CHD1: variants seen among roughly 807,000 people sequenced by gnomAD.
CHD1 encodes the protein ATP-dependent chromatin remodeler CHD1.
CHD1 carries 36 observed loss-of-function variants against 224.2 expected under a neutral mutation model. That is an observed-to-expected ratio of 0.16 (90% CI 0.12 to 0.21). The LOEUF (loss-of-function observed/expected upper bound fraction) is 0.21. Ranked by LOEUF, CHD1 falls within the 10% of genes least tolerant of loss-of-function variation. The pLI is 1.00. For missense variants in CHD1, 1,378 were observed against 1,994.8 expected (o/e 0.69, Z 5.89); for synonymous variants, 668 against 658.3 (o/e 1.01, Z -0.23).
At chr5:98,864,174 G>T (rs1011134612) in intron 31 of CHD1, among the ~76,000 whole-genome samples, 1 of 152,002 alleles carries the variant, frequency 6.6e-6, no homozygotes, top group Non-Finnish European at 1.5e-5. Flanking sequence ...ATTAAGAATT[G>T]CATGTTTTAT....
At chr5:98,864,997 A>T (rs1259283398) in intron 31 of CHD1, among the ~76,000 whole-genome samples, 1 of 152,196 alleles carries the variant, frequency 6.6e-6, no homozygotes, top group East Asian at 1.9e-4. Context: ...CCTGGACTCT[A>T]GTATAAGAGA....
At chr5:98,922,036 C>T (rs1753130250) in intron 2 of CHD1, among the ~76,000 whole-genome samples, 1 of 151,986 alleles carries the variant, frequency 6.6e-6, no homozygotes, top group African/African-American at 2.4e-5. Flanking sequence ...ACCTATAATC[C>T]CAGCTACTCA....
chr5:98,918,901 T>G (rs1183650011), intron 2 of CHD1, among the ~76,000 whole-genome samples: 6 of 152,194 alleles, frequency 3.9e-5, no homozygotes, highest in Non-Finnish European at 8.8e-5. Flanking sequence ...AAATAGCTCA[T>G]TAAATGACTC....
intron 30 of CHD1, 47 bp downstream of exon 30, chr5:98,869,707 T>C: frequency 6.3e-7 from 1 of 1,591,576 alleles, no homozygotes; most frequent in Non-Finnish European, 8.6e-7. Flanking sequence ...AAACATGCCA[T>C]ATTCCCTTTC....
intron 31 of CHD1, among the ~76,000 whole-genome samples, chr5:98,867,662 A>T (rs1369441598): frequency 1.3e-5 from 2 of 152,024 alleles, no homozygotes; most frequent in East Asian, 3.9e-4. Flanking sequence ...TACTTGTTAA[A>T]CCCCTCTTCT....
chr5:98,927,998 G>C (rs1753593395), intron 1 of CHD1, among the ~76,000 whole-genome samples: 1 of 152,062 alleles, frequency 6.6e-6, no homozygotes. Context: ...TTTTTAAAGC[G>C]GCACTCGAAA....
At chr5:98,867,300 A>T (rs1385490177) in intron 31 of CHD1, among the ~76,000 whole-genome samples, 2 of 152,222 alleles carry the variant, frequency 1.3e-5, no homozygotes, top group Non-Finnish European at 2.9e-5. Flanking sequence ...AGTATATTTG[A>T]CAAGAGATAT....
At chr5:98,887,120 T>C (rs1193764300) in intron 17 of CHD1, among the ~76,000 whole-genome samples, 1 of 152,172 alleles carries the variant, frequency 6.6e-6, no homozygotes, top group Non-Finnish European at 1.5e-5. Context: ...CTGAATTGTA[T>C]ACTTTAAATG....
At chr5:98,881,825 T>G in intron 20 of CHD1, 150 bp downstream of exon 20, 1 of 605,506 alleles carries the variant, frequency 1.7e-6, no homozygotes, top group Non-Finnish European at 2.7e-6. Flanking sequence ...TTGAAGTATG[T>G]CTTCTAACTA....
At chr5:98,856,935 C>A (rs1748079596) in intron 35 of CHD1, among the ~76,000 whole-genome samples, 1 of 152,048 alleles carries the variant, frequency 6.6e-6, no homozygotes, top group Admixed American at 6.6e-5. Context: ...CTAAAGCGAA[C>A]CATACAAAAC....
At chr5:98,869,548 A>C in intron 30 of CHD1, 2 of 556,642 alleles carry the variant, frequency 3.6e-6, no homozygotes, top group Non-Finnish European at 6.1e-6. Context: ...GCTATATAAT[A>C]TCTACTGGAC....
intron 2 of CHD1, among the ~76,000 whole-genome samples, chr5:98,911,035 CT>C (rs1752355149): frequency 6.7e-6 from 1 of 149,518 alleles, no homozygotes; most frequent in Non-Finnish European, 1.5e-5. Context: ...CTACTGCACA[CT>C]TAAATAAACT....
intron 2 of CHD1, among the ~76,000 whole-genome samples, chr5:98,919,529 G>A (rs1752955854): frequency 6.6e-6 from 1 of 152,116 alleles, no homozygotes; most frequent in Non-Finnish European, 1.5e-5. Context: ...AGTTTCTCTT[G>A]ATAAAGTATA....
At chr5:98,908,405 C>T (rs1052514563) in intron 2 of CHD1, among the ~76,000 whole-genome samples, 2 of 152,120 alleles carry the variant, frequency 1.3e-5, no homozygotes, top group Admixed American at 6.6e-5. Context: ...TATGAGCAAA[C>T]GATGTAATAA....
chr5:98,914,902 G>A (rs992096045), intron 2 of CHD1, among the ~76,000 whole-genome samples: 5 of 152,052 alleles, frequency 3.3e-5, no homozygotes, highest in Admixed American at 2.6e-4. Context: ...TCCTAACTAG[G>A]TCTTGAAGAT....
chr5:98,904,371 G>A (rs1414683788), intron 3 of CHD1, among the ~76,000 whole-genome samples: 1 of 152,136 alleles, frequency 6.6e-6, no homozygotes, highest in Non-Finnish European at 1.5e-5. Flanking sequence ...ATCACAGACT[G>A]GTACTCTGAG....
chr5:98,874,792 T>C (rs929689917), intron 25 of CHD1, among the ~76,000 whole-genome samples: 1 of 151,784 alleles, frequency 6.6e-6, no homozygotes, highest in Non-Finnish European at 1.5e-5. Context: ...AAGTTATTGA[T>C]GAAAAATGAG....
Position 98,928,897 on chromosome 5 carries a change from A to T in CHD1, c.-507T>A, listed in dbSNP as rs1753702214. The T allele has an allele frequency of 6.5e-6, 1 of 153,882 alleles. No homozygotes were observed. The highest frequency in any genetic ancestry group is 2.4e-5 in the African/African-American group (1 of 41,054). The allele number at this position is 153,882 out of a possible 1,614,324, so 9.5% of individuals were successfully genotyped here. On this transcript the variant is annotated 5_prime_UTR_variant, in exon 1 of 36. Coordinates refer to ENST00000614616, the MANE Select transcript of CHD1 (RefSeq NM_001270.4). The stretch of plus-strand genomic sequence containing the variant: ...CGCCATGACGCCGAGAAAGCAAGCG[A>T]GCGCAACCGTCTCCGTCGTAGCCGC...
rs1748197784 is a variant in CHD1, at chr5:98,858,335, A to G, written c.4632T>C (p.Tyr1544=). 2 of 1,613,254 alleles carry G rather than the reference A, an allele frequency of 1.2e-6. No homozygotes were observed. Among genetic ancestry groups the G allele is most frequent in the Non-Finnish European group, 1.7e-6 (2 of 1,179,316 alleles). ...TNHDDSSRDS[Y]SSDRHLTQYH... Reference sequence around the variant, plus strand: ...ACTGAGTTAAGTGTCTATCAGAGGAATAACTGTCCCTGCTGCTATCATCGT... The same window carrying G: ...ACTGAGTTAAGTGTCTATCAGAGGAGTAACTGTCCCTGCTGCTATCATCGT... The change falls in exon 35 of 36, where the codon TAT becomes TAC. Residue 1544 remains tyrosine (Y), a synonymous_variant. Coordinates refer to ENST00000614616, the MANE Select transcript of CHD1 (RefSeq NM_001270.4).
Sources: allele counts gnomAD v4.1 joint callset (sites outside exome capture counted in the v4.1 genomes callset), GRCh38; gene constraint gnomAD v4.1.1; transcripts MANE v1.5; gene names NCBI Gene and HGNC (gene_info 2026-07-23, HGNC 2026-07-21).